ZFHX3: variants seen among roughly 807,000 people sequenced by gnomAD.
ZFHX3 encodes zinc finger homeobox 3.
Under a neutral mutation model 279.1 loss-of-function variants are expected in ZFHX3, and 42 were observed. That is an observed-to-expected ratio of 0.15 (90% CI 0.12 to 0.19). The LOEUF is 0.19. ZFHX3 is among the 10% of genes least tolerant of loss of function. The pLI is 1.00. For missense variants in ZFHX3, 4,981 were observed against 4,754.0 expected (o/e 1.05, Z -1.40); for synonymous variants, 2,293 against 1,957.8 (o/e 1.17, Z -4.52).
intron 3 of ZFHX3, among the ~76,000 whole-genome samples, chr16:73,393,913 A>AT (rs1318816718): frequency 2.0e-5 from 3 of 147,834 alleles, no homozygotes; most frequent in East Asian, 1.9e-4. Flanking sequence ...GATATATATG[A>AT]ATATATGATA....
At chr16:73,371,551 A>G (rs1208907542) in intron 3 of ZFHX3, among the ~76,000 whole-genome samples, 2 of 151,844 alleles carry the variant, frequency 1.3e-5, no homozygotes, top group Non-Finnish European at 2.9e-5. Flanking sequence ...GTTAAATGAT[A>G]AGAAGTGGCA....
At chr16:73,289,776 C>T (rs554769038) in intron 4 of ZFHX3, among the ~76,000 whole-genome samples, 2 of 152,050 alleles carry the variant, frequency 1.3e-5, no homozygotes, top group Admixed American at 1.3e-4. Flanking sequence ...GCAGGAGACC[C>T]TACCAGGTGC....
At chr16:72,941,654 ATT>A (rs112979985) in intron 3 of ZFHX3, among the ~76,000 whole-genome samples, 1 of 150,888 alleles carries the variant, frequency 6.6e-6, no homozygotes, top group Admixed American at 6.6e-5. Flanking sequence ...CCCTGTTTCT[ATT>A]TTTTTTTAAT....
At chr16:73,677,274 C>T (rs2052964678) in intron 2 of ZFHX3, among the ~76,000 whole-genome samples, 1 of 151,970 alleles carries the variant, frequency 6.6e-6, no homozygotes, top group East Asian at 1.9e-4. Context: ...TTTAAAATTA[C>T]TCTTATAAAA....
chr16:73,602,481 C>G (rs186780950), intron 2 of ZFHX3, among the ~76,000 whole-genome samples: 3 of 152,212 alleles, frequency 2.0e-5, no homozygotes, highest in Admixed American at 1.3e-4. Flanking sequence ...CCAAGCAAGG[C>G]CTTTATCCTG....
At chr16:73,366,986 C>T (rs371650220) in intron 3 of ZFHX3, among the ~76,000 whole-genome samples, 1 of 152,290 alleles carries the variant, frequency 6.6e-6, no homozygotes, top group East Asian at 1.9e-4. Context: ...GGGCCCAGGA[C>T]TTTGCTCTGC....
intron 3 of ZFHX3, among the ~76,000 whole-genome samples, chr16:72,928,953 C>T (rs1221394426): frequency 6.6e-6 from 1 of 151,630 alleles, no homozygotes; most frequent in African/African-American, 2.4e-5. Context: ...CAGAATGAGG[C>T]TTGGCTGGGT....
intron 4 of ZFHX3, among the ~76,000 whole-genome samples, chr16:73,278,832 C>A (rs1204602418): frequency 1.3e-5 from 2 of 152,102 alleles, no homozygotes; most frequent in Admixed American, 6.5e-5. Flanking sequence ...GTGCATTTTA[C>A]AATCCCCTTG....
At chr16:73,330,854 A>G (rs543403402) in intron 3 of ZFHX3, among the ~76,000 whole-genome samples, 1 of 152,204 alleles carries the variant, frequency 6.6e-6, no homozygotes, top group East Asian at 1.9e-4. Context: ...GAAGAGTAAC[A>G]TCAACCCTAT....
intron 3 of ZFHX3, chr16:73,386,697 C>A (rs1296690437): frequency 6.6e-6 from 1 of 151,044 alleles, no homozygotes; most frequent in Admixed American, 6.6e-5. Context: ...GAGCCCTACA[C>A]AGTCCTTAGG....
chr16:73,648,584 G>GT (rs931033310), intron 2 of ZFHX3, among the ~76,000 whole-genome samples: 16 of 151,966 alleles, frequency 1.1e-4, no homozygotes, highest in Non-Finnish European at 1.5e-4. Flanking sequence ...GTTTTGTTTT[G>GT]TTTTTTTAGT....
rs2143444518 is a variant in ZFHX3, at chr16:72,797,074, G to A, written c.5608C>T (p.Pro1870Ser). 6.2e-7 allele frequency: 1 copy of A among 1,614,004 alleles called. No individual in the cohort carries two copies. The highest frequency in any genetic ancestry group is 8.5e-7 in the Non-Finnish European group (1 of 1,180,018). ...TTCTTCTTTTCGGGGTGCTGGCTTG[G>A]CTGAAGGAGGGCAGAGTGACTCTGG... ...IAQSHSALLQ[P>S]SQHPEKKNKL... is the part of the protein sequence containing the mutation. The change falls in exon 9 of 10, where the codon CCA (proline) becomes TCA (serine). Residue 1870 changes from proline to serine, a missense_variant. Pro to Ser is a moderately conservative substitution (Grantham distance 74). Transcript: ENST00000268489.
intron 1 of ZFHX3, among the ~76,000 whole-genome samples, chr16:72,981,010 C>T (rs1962576103): frequency 6.6e-6 from 1 of 152,096 alleles, no homozygotes; most frequent in South Asian, 2.1e-4. Context: ...AAAAGAACAG[C>T]ATTGACCAGA....
At chr16:73,098,969 G>A (rs368927582) in intron 7 of ZFHX3, 12 of 152,330 alleles carry the variant, frequency 7.9e-5, no homozygotes, top group African/African-American at 2.6e-4. Flanking sequence ...AATCACCTGG[G>A]ATGAGTGAAA....
intron 1 of ZFHX3, among the ~76,000 whole-genome samples, chr16:73,762,059 GA>G (rs1395744656): frequency 6.6e-6 from 1 of 151,420 alleles, no homozygotes; most frequent in Non-Finnish European, 1.5e-5. Flanking sequence ...TACAGAATGG[GA>G]GAAAATTTTT....
At chr16:73,045,168 A>G (rs911107815) in intron 1 of ZFHX3, among the ~76,000 whole-genome samples, 8 of 152,214 alleles carry the variant, frequency 5.3e-5, no homozygotes, top group Non-Finnish European at 1.2e-4. Context: ...AGATACACCA[A>G]AAAGGAACAA....
At chr16:73,026,673 C>CAAAAAAAAAAAAAAAAAAAAAAAA (rs10561679) in intron 1 of ZFHX3, among the ~76,000 whole-genome samples, 1 of 79,624 alleles carries the variant, frequency 1.3e-5, no homozygotes, top group Non-Finnish European at 2.6e-5. Flanking sequence ...AAAACTGCCT[C>CAAAAAAAAAAAAAAAAAAAAAAAA]AAAAAAAAAA....
intron 1 of ZFHX3, among the ~76,000 whole-genome samples, chr16:73,770,603 T>A (rs540977381): frequency 3.3e-5 from 5 of 152,288 alleles, no homozygotes; most frequent in African/African-American, 9.6e-5. Context: ...ATTGAGATGA[T>A]CAACCAAAAT....
At chr16:73,246,688 C>A (rs1218405216) in intron 5 of ZFHX3, among the ~76,000 whole-genome samples, 1 of 152,156 alleles carries the variant, frequency 6.6e-6, no homozygotes, top group African/African-American at 2.4e-5. Flanking sequence ...TAAAGCAAGT[C>A]TACATATTCT....
Sources: allele counts gnomAD v4.1 joint callset (sites outside exome capture counted in the v4.1 genomes callset), GRCh38; gene constraint gnomAD v4.1.1; transcripts MANE v1.5; gene names NCBI Gene and HGNC (gene_info 2026-07-23, HGNC 2026-07-21).